RIMBP2: variants seen among roughly 807,000 people sequenced by gnomAD.
RIMBP2 encodes the protein RIMS binding protein 2.
In RIMBP2, 48 loss-of-function variants were observed where a neutral mutation model predicts 118.6. That is an observed-to-expected ratio of 0.40 (90% CI 0.32 to 0.51). The LOEUF is 0.51. Ranked by LOEUF, RIMBP2 falls within the 20% of genes least tolerant of loss-of-function variation. The pLI, the probability that RIMBP2 is intolerant of heterozygous loss-of-function variation, is 0.41. For synonymous variants in RIMBP2, 762 were observed against 742.9 expected, an observed-to-expected ratio of 1.03 and a Z score of -0.42; for missense variants, 1,551 against 1,768.3, an observed-to-expected ratio of 0.88 and a Z score of 2.20.
At position 130,437,131 on chromosome 12, in the gene RIMBP2, G is replaced by A. The variant is rs767520228; in HGVS notation, c.1817C>T (p.Pro606Leu). The change falls in exon 13 of 23, where the codon CCT (proline) becomes CTT (leucine). Residue 606 changes from proline to leucine, a missense_variant. Coordinates refer to ENST00000690449, the MANE Select transcript of RIMBP2 (RefSeq NM_001393629.1). ...GGGTGCAGGTCTCGGGTGGGGGGTA[G>A]GAGGCACCAGGAGCTCGGGGGGAAC... is the stretch of plus-strand genomic sequence containing the variant. ...AAVPPELLVP[P>L]TPHPRPAPQS... The A allele has an allele frequency of 2.5e-6, 4 of 1,584,050 alleles. No individual in the cohort carries two copies. The Admixed American group carries it at 5.3e-5, about 21-fold the overall frequency.
chr12:130,411,613 AC>A (rs1292969217), intron 19 of RIMBP2, among the ~76,000 whole-genome samples: 25 of 152,188 alleles, frequency 1.6e-4, no homozygotes, highest in African/African-American at 6.0e-4. Flanking sequence ...ATTCTTGTAT[AC>A]TTTCTGGGTC....
intron 21 of RIMBP2, among the ~76,000 whole-genome samples, chr12:130,401,347 C>T (rs542318040): frequency 7.2e-5 from 11 of 152,252 alleles, no homozygotes; most frequent in Admixed American, 6.5e-4. Context: ...AACTCCTGAC[C>T]TCAGGTGATC....
intron 5 of RIMBP2, among the ~76,000 whole-genome samples, chr12:130,476,838 G>C (rs1254077498): frequency 6.6e-6 from 1 of 152,020 alleles, no homozygotes; most frequent in Non-Finnish European, 1.5e-5. Flanking sequence ...CTGTGTTCCT[G>C]CTTCTGGAAC....
chr12:130,660,906 C>T (rs1401228948), intron 1 of RIMBP2, among the ~76,000 whole-genome samples: 1 of 152,198 alleles, frequency 6.6e-6, no homozygotes, highest in African/African-American at 2.4e-5. Flanking sequence ...CTGCCCTCTA[C>T]AAGCCCCATG....
At chr12:130,568,227 A>G (rs745945341) in intron 2 of RIMBP2, among the ~76,000 whole-genome samples, 2 of 152,206 alleles carry the variant, frequency 1.3e-5, no homozygotes, top group Non-Finnish European at 2.9e-5. Flanking sequence ...CAACCTTGCA[A>G]GAGGGGAGAC....
chr12:130,462,233 G>C (rs1397236395), intron 6 of RIMBP2, among the ~76,000 whole-genome samples: 1 of 152,212 alleles, frequency 6.6e-6, no homozygotes, highest in Non-Finnish European at 1.5e-5. Flanking sequence ...GGCCTGGGGG[G>C]TTCTGGAACT....
chr12:130,406,270 C>T (rs767552755), intron 20 of RIMBP2, 27 bp from the exon 21 acceptor site: 13 of 1,494,116 alleles, frequency 8.7e-6, no homozygotes, highest in African/African-American at 6.9e-5. Context: ...TAAAATTAAT[C>T]GTATTTTTCT....
intron 1 of RIMBP2, among the ~76,000 whole-genome samples, chr12:130,696,108 A>G (rs543595635): frequency 6.6e-6 from 1 of 152,302 alleles, no homozygotes; most frequent in Admixed American, 6.5e-5. Flanking sequence ...GGTACCAACG[A>G]TGCATGGACA....
rs978585008 is a variant in RIMBP2 at position 130,422,691 on chromosome 12, G to T, written c.3130-130C>A. 6.0e-6 allele frequency: 4 copies of T among 664,640 alleles called. No homozygotes were observed. The highest frequency in any genetic ancestry group is 1.0e-5 in the Non-Finnish European group (4 of 381,176). 41.2% of individuals were successfully genotyped at this position (664,640 alleles called of 1,614,324 possible). On this transcript the variant is annotated intron_variant, in intron 16 of 22. Transcript: ENST00000690449. The surrounding 1 kb of genome is among the most constrained non-coding windows in gnomAD (Gnocchi z 5.2). The stretch of plus-strand genomic sequence containing the variant: ...ACTAAACTTAGCTTTTAACTGAAAG[G>T]TTAGCTGAATGGCCTGGGAGAGAAC...
At chr12:130,429,429 A>G (rs908672090) in intron 14 of RIMBP2, 1 of 152,192 alleles carries the variant, frequency 6.6e-6, no homozygotes, top group Non-Finnish European at 1.5e-5. Flanking sequence ...CTGGGTTTCC[A>G]CTCACAGAGA....
At chr12:130,477,368 C>T (rs1409189656) in intron 5 of RIMBP2, among the ~76,000 whole-genome samples, 6 of 152,306 alleles carry the variant, frequency 3.9e-5, no homozygotes, top group South Asian at 2.1e-4. Context: ...CTGTCTCAGA[C>T]GGTCCCCGCC....
At chr12:130,646,045 C>G (rs1468546020) in intron 1 of RIMBP2, among the ~76,000 whole-genome samples, 6 of 128,902 alleles carry the variant, frequency 4.7e-5, no homozygotes, top group Non-Finnish European at 7.2e-5. Flanking sequence ...CCAGTTCCCT[C>G]TCCACCTCCC....
At chr12:130,647,378 A>G (rs1168775458) in intron 1 of RIMBP2, among the ~76,000 whole-genome samples, 1 of 151,954 alleles carries the variant, frequency 6.6e-6, no homozygotes, top group African/African-American at 2.4e-5. Flanking sequence ...CCAACAACAA[A>G]AAAGAAGGTA....
At chr12:130,545,384 A>G (rs2055024799) in intron 2 of RIMBP2, among the ~76,000 whole-genome samples, 1 of 149,336 alleles carries the variant, frequency 6.7e-6, no homozygotes, top group African/African-American at 2.5e-5. Context: ...TTCAATGCCA[A>G]AAAAATGTAA....
Position 130,419,434 on chromosome 12 carries a change from C to T in RIMBP2, c.3238+3019G>A. On this transcript the variant is annotated intron_variant, in intron 17 of 22. Coordinates refer to ENST00000690449, the MANE Select transcript of RIMBP2 (RefSeq NM_001393629.1). This position sits in a 1 kb window ranked among gnomAD's most constrained non-coding sequence, Gnocchi z 4.3. ...ACCGTCTTCTACAGGAGAGAGGTTTCCCTCACTACCTGGCCCAGACCGACT... is the reference window on the plus strand; with the variant it reads ...ACCGTCTTCTACAGGAGAGAGGTTTTCCTCACTACCTGGCCCAGACCGACT... 1 of 152,236 alleles carries T rather than the reference C, an allele frequency of 6.6e-6. No homozygotes were observed. Among genetic ancestry groups the T allele is most frequent in the East Asian group, 1.9e-4 (1 of 5,186 alleles). The allele number at this position is 152,236 out of a possible 1,614,324, so 9.4% of individuals were successfully genotyped here. A position where few individuals can be genotyped will look rare whatever the true frequency, so the allele number is the denominator to read the frequency against.
intron 1 of RIMBP2, among the ~76,000 whole-genome samples, chr12:130,653,910 G>T (rs1234937400): frequency 6.6e-6 from 1 of 152,210 alleles, no homozygotes; most frequent in Non-Finnish European, 1.5e-5. Flanking sequence ...TCCTGAAGCT[G>T]TGCAGGGCAG....
At chr12:130,438,021 C>G (rs959727176) in intron 12 of RIMBP2, among the ~76,000 whole-genome samples, 10 of 152,188 alleles carry the variant, frequency 6.6e-5, no homozygotes, top group African/African-American at 2.4e-4. Context: ...CGGGACGCGC[C>G]TTCGGCCATG....
intron 2 of RIMBP2, among the ~76,000 whole-genome samples, chr12:130,536,537 C>T (rs1363167643): frequency 2.0e-5 from 3 of 152,194 alleles, no homozygotes; most frequent in African/African-American, 7.2e-5. Context: ...CCACTTACTT[C>T]CGCCATAGTC....
At position 130,451,288 on chromosome 12, in the gene RIMBP2, G is replaced by C; in HGVS notation, c.411C>G (p.Pro137=). 6.2e-7 allele frequency: 1 copy of C among 1,614,172 alleles called. No individual in the cohort carries two copies. The highest frequency in any genetic ancestry group is 8.5e-7 in the Non-Finnish European group (1 of 1,180,020). The change falls in exon 8 of 23, where the codon CCC becomes CCG. Residue 137 remains proline (P), a synonymous_variant. Coordinates refer to ENST00000690449, the MANE Select transcript of RIMBP2 (RefSeq NM_001393629.1). ...GSSAIGEYIR[P]LPQPGDRPEP... is the part of the protein sequence containing the mutation. ...CCGGCCTGTCACCAGGCTGCGGAAG[G>C]GGCCGGATATATTCACCGATCGCAG...
Sources: allele counts gnomAD v4.1 joint callset (sites outside exome capture counted in the v4.1 genomes callset), GRCh38; gene constraint gnomAD v4.1.1; non-coding constraint Gnocchi (gnomAD v3.1); transcripts MANE v1.5; gene names NCBI Gene and HGNC (gene_info 2026-07-23, HGNC 2026-07-21).